The following NRXN3 variants were observed in gnomAD, a reference collection of about 807,000 sequenced individuals.
NRXN3 encodes the protein neurexin 3.
NRXN3 carries 32 observed loss-of-function variants against 137.6 expected under a neutral mutation model. The ratio of observed to expected loss-of-function variants is 0.23; its 90% CI spans 0.18 to 0.31. NRXN3 has a LOEUF of 0.31. Ranked by LOEUF, NRXN3 falls within the 10% of genes least tolerant of loss-of-function variation. The probability of loss-of-function intolerance (pLI) is 1.00; values close to 1 mark genes in which losing one functional copy is unlikely to be tolerated. For missense variants in NRXN3, 1,574 were observed against 2,062.5 expected (o/e 0.76, Z 4.59); for synonymous variants, 798 against 784.5 (o/e 1.02, Z -0.29).
intron 4 of NRXN3, among the ~76,000 whole-genome samples, chr14:78,418,896 G>A (rs902637154): frequency 2.6e-5 from 4 of 152,216 alleles, no homozygotes; most frequent in Admixed American, 1.3e-4. Context: ...ACTTGCCCAA[G>A]CTTGGAGGAG....
At chr14:79,680,008 G>T (rs1211874325) in intron 17 of NRXN3, among the ~76,000 whole-genome samples, 1 of 152,010 alleles carries the variant, frequency 6.6e-6, no homozygotes, top group Non-Finnish European at 1.5e-5. Context: ...TCATTTTGGG[G>T]TCTTTACTCT....
At chr14:78,848,324 A>G (rs751436467) in intron 10 of NRXN3, among the ~76,000 whole-genome samples, 2 of 152,124 alleles carry the variant, frequency 1.3e-5, no homozygotes, top group Non-Finnish European at 2.9e-5. Flanking sequence ...CACAGGTGGC[A>G]TGGATGAAGG....
At chr14:78,344,668 C>A (rs779248754) in intron 4 of NRXN3, among the ~76,000 whole-genome samples, 4 of 152,192 alleles carry the variant, frequency 2.6e-5, no homozygotes, top group Non-Finnish European at 4.4e-5. Flanking sequence ...ACTGAGTCTA[C>A]CTGGCCTTGT....
intron 4 of NRXN3, among the ~76,000 whole-genome samples, chr14:78,598,159 C>CA (rs1484646093): frequency 6.6e-6 from 1 of 152,176 alleles, no homozygotes; most frequent in Non-Finnish European, 1.5e-5. Flanking sequence ...GATTTGTGTG[C>CA]AGTTTACTCT....
intron 4 of NRXN3, among the ~76,000 whole-genome samples, chr14:78,314,924 T>TC (rs2078443747): frequency 8.3e-6 from 1 of 119,864 alleles, no homozygotes; most frequent in African/African-American, 4.1e-5. Context: ...TCTTTCTTTC[T>TC]TTCTTTCTTT....
intron 19 of NRXN3, among the ~76,000 whole-genome samples, chr14:79,760,187 T>C (rs1412944364): frequency 6.6e-6 from 1 of 151,626 alleles, no homozygotes; most frequent in African/African-American, 2.4e-5. Flanking sequence ...AATGGGGTTA[T>C]ATCCAACCAT....
At chr14:78,172,591 G>A (rs2058829681) in intron 1 of NRXN3, among the ~76,000 whole-genome samples, 1 of 152,124 alleles carries the variant, frequency 6.6e-6, no homozygotes, top group Admixed American at 6.5e-5. Context: ...AGTGGAGTAA[G>A]GGCTCTTGGC....
chr14:79,740,712 TTATATA>T (rs869216055), intron 19 of NRXN3, among the ~76,000 whole-genome samples: 69 of 16,056 alleles, frequency 4.3e-3, no homozygotes, highest in Admixed American at 9.2e-3. Context: ...ATTTAGTTTT[TTATATA>T]TATATATATA....
At chr14:79,691,023 T>G (rs527474416) in intron 17 of NRXN3, among the ~76,000 whole-genome samples, 70 of 152,218 alleles carry the variant, frequency 4.6e-4, no homozygotes, top group African/African-American at 1.6e-3. Context: ...GAATTACAAT[T>G]CACTAATTTC....
At chr14:78,552,601 G>A (rs979609905) in intron 4 of NRXN3, among the ~76,000 whole-genome samples, 13 of 152,186 alleles carry the variant, frequency 8.5e-5, no homozygotes, top group African/African-American at 2.9e-4. Context: ...AGGAGTTTGA[G>A]GCTGCAGTGA....
At chr14:78,433,026 C>G (rs1380074469) in intron 4 of NRXN3, among the ~76,000 whole-genome samples, 1 of 152,188 alleles carries the variant, frequency 6.6e-6, no homozygotes, top group African/African-American at 2.4e-5. Context: ...GAAGCAAAAG[C>G]AGGCTTTGAT....
intron 16 of NRXN3, among the ~76,000 whole-genome samples, chr14:79,647,520 G>A (rs2098458038): frequency 7.3e-6 from 1 of 136,094 alleles, no homozygotes; most frequent in Admixed American, 7.7e-5. Flanking sequence ...TCTGAGTCAA[G>A]GTGAAAGCAG....
intron 14 of NRXN3, among the ~76,000 whole-genome samples, chr14:78,979,892 C>G (rs1255038989): frequency 6.6e-6 from 1 of 152,066 alleles, no homozygotes; most frequent in Non-Finnish European, 1.5e-5. Flanking sequence ...AAAGACCTAC[C>G]CCCATGATTC....
intron 19 of NRXN3, among the ~76,000 whole-genome samples, chr14:79,734,112 G>A (rs2098933791): frequency 6.6e-6 from 1 of 152,248 alleles, no homozygotes; most frequent in East Asian, 1.9e-4. Context: ...TTCATGGTCT[G>A]CACCTCCCCC....
chr14:79,684,251 A>G (rs933944551), intron 17 of NRXN3, among the ~76,000 whole-genome samples: 1 of 152,194 alleles, frequency 6.6e-6, no homozygotes, highest in Non-Finnish European at 1.5e-5. Flanking sequence ...AGTATGTTGT[A>G]TGAATGCAAC....
intron 12 of NRXN3, 142 bp from the exon 13 acceptor site, chr14:78,967,066 T>A: frequency 1.5e-6 from 1 of 674,818 alleles, no homozygotes; most frequent in Non-Finnish European, 2.5e-6. Flanking sequence ...TCTTGTAACC[T>A]CATATCAAGA....
intron 16 of NRXN3, among the ~76,000 whole-genome samples, chr14:79,596,398 A>G (rs1200419781): frequency 6.6e-6 from 1 of 152,244 alleles, no homozygotes; most frequent in Non-Finnish European, 1.5e-5. Flanking sequence ...ATGAAATTTA[A>G]AAGAATCAAG....
At chr14:79,738,696 T>C (rs1429472140) in intron 19 of NRXN3, among the ~76,000 whole-genome samples, 1 of 152,098 alleles carries the variant, frequency 6.6e-6, no homozygotes, top group Non-Finnish European at 1.5e-5. Flanking sequence ...GTAGCTGGGA[T>C]TACAGGTGCT....
intron 4 of NRXN3, among the ~76,000 whole-genome samples, chr14:78,625,128 C>T (rs1266561593): frequency 6.6e-6 from 1 of 152,240 alleles, no homozygotes; most frequent in Non-Finnish European, 1.5e-5. Context: ...GCGTGAGCCA[C>T]CGCACCTGGT....
Sources: allele counts gnomAD v4.1 joint callset (sites outside exome capture counted in the v4.1 genomes callset), GRCh38; gene constraint gnomAD v4.1.1; transcripts MANE v1.5; gene names NCBI Gene and HGNC (gene_info 2026-07-23, HGNC 2026-07-21).